The following PWWP2A variants were observed in gnomAD, a reference collection of about 807,000 sequenced individuals.
The protein encoded by PWWP2A is PWWP domain containing 2A.
A neutral mutation model predicts 48.5 loss-of-function variants in PWWP2A; 18 were observed. That is an observed-to-expected ratio of 0.37 (90% CI 0.26 to 0.55). PWWP2A has a LOEUF of 0.55. PWWP2A is among the 20% of genes least tolerant of loss of function. The pLI is 0.81. For missense variants in PWWP2A, 867 were observed against 976.4 expected, an observed-to-expected ratio of 0.89 and a Z score of 1.49; for synonymous variants, 396 against 387.7, an observed-to-expected ratio of 1.02 and a Z score of -0.25.
At chr5:160,113,288 C>G in intron 1 of PWWP2A, 2 of 979,050 alleles carry the variant, frequency 2.0e-6, no homozygotes, top group Non-Finnish European at 2.4e-6. Flanking sequence ...GAATGATTCT[C>G]CTCAAAAATG....
At chr5:160,110,293 G>A (rs967482692) in intron 1 of PWWP2A, among the ~76,000 whole-genome samples, 11 of 152,004 alleles carry the variant, frequency 7.2e-5, no homozygotes, top group Non-Finnish European at 1.0e-4. Context: ...TAAGGTGCCC[G>A]GCCAACAGTC....
downstream of PWWP2A, among the ~76,000 whole-genome samples, chr5:160,074,805 T>C (rs377241098): frequency 2.7e-5 from 4 of 149,288 alleles, no homozygotes; most frequent in African/African-American, 9.9e-5. Context: ...CTTATTCTGA[T>C]AAAAGAATCA....
Position 160,064,965 on chromosome 5 carries a change from G to A in PWWP2A, c.*237-1292C>T, listed in dbSNP as rs745372087. ...AAAGATCTTGGGAACTTGGTTCTCC[G>A]ACCTTTTGGGCTCTCCACGGAAAAT... On this transcript the variant is annotated intron_variant and NMD_transcript_variant, in intron 4 of 5. Transcript: ENST00000524050. 30 of 1,613,524 alleles carry A rather than the reference G, an allele frequency of 1.9e-5. No homozygotes were observed. Among genetic ancestry groups the A allele is most frequent in the African/African-American group, 6.7e-5 (5 of 74,824 alleles).
At chr5:160,100,293 T>C (rs995049755) in intron 1 of PWWP2A, among the ~76,000 whole-genome samples, 1 of 151,006 alleles carries the variant, frequency 6.6e-6, no homozygotes, top group African/African-American at 2.4e-5. Flanking sequence ...GGAGACAGAG[T>C]GAGACTTCAT....
intron 1 of PWWP2A, among the ~76,000 whole-genome samples, chr5:160,107,532 A>AT (rs1217424503): frequency 6.6e-6 from 1 of 152,194 alleles, no homozygotes; most frequent in Non-Finnish European, 1.5e-5. Flanking sequence ...CACATCTTTC[A>AT]TTTTTTATCA....
At chr5:160,080,672 T>G in exon 3 of PWWP2A, 2 of 1,560,560 alleles carry the variant, frequency 1.3e-6, no homozygotes, top group Non-Finnish European at 1.7e-6. Context: ...ACTGTTAACT[T>G]CAATGCTCCC....
At chr5:160,069,748 A>ACT (rs1753698881) in intron 2 of PWWP2A, among the ~76,000 whole-genome samples, 1 of 152,096 alleles carries the variant, frequency 6.6e-6, no homozygotes, top group Non-Finnish European at 1.5e-5. Context: ...AAAGAAGGTC[A>ACT]CTCTAAGCCA....
chr5:160,105,035 T>G (rs1049983467), intron 1 of PWWP2A, among the ~76,000 whole-genome samples: 1 of 151,900 alleles, frequency 6.6e-6, no homozygotes, highest in Admixed American at 6.6e-5. Flanking sequence ...TGAGCCTAGG[T>G]GTTCAAGACA....
downstream of PWWP2A, among the ~76,000 whole-genome samples, chr5:160,074,424 G>A (rs374619193): frequency 2.6e-5 from 4 of 151,756 alleles, no homozygotes; most frequent in South Asian, 2.1e-4. Flanking sequence ...GGCAACAAGA[G>A]CGAAAATCTG....
At chr5:160,110,573 G>A (rs941339554) in intron 1 of PWWP2A, among the ~76,000 whole-genome samples, 9 of 151,896 alleles carry the variant, frequency 5.9e-5, no homozygotes, top group Non-Finnish European at 1.2e-4. Context: ...AGGTGTGGTG[G>A]TGCATGCCTG....
intron 1 of PWWP2A, among the ~76,000 whole-genome samples, chr5:160,109,823 AT>A (rs1340538454): frequency 2.0e-3 from 172 of 87,094 alleles, no homozygotes; most frequent in African/African-American, 7.1e-3. Flanking sequence ...TAATATAATA[AT>A]ATATATATAT....
chr5:160,089,738 G>C, downstream of PWWP2A: 1 of 1,220,074 alleles, frequency 8.2e-7, no homozygotes, highest in Non-Finnish European at 1.0e-6. Flanking sequence ...CTTTGTTTTA[G>C]CCACGACTCT....
chr5:160,087,379 CAAAA>C (rs527692100), downstream of PWWP2A, among the ~76,000 whole-genome samples: 6 of 90,506 alleles, frequency 6.6e-5, no homozygotes, highest in Non-Finnish European at 8.9e-5. Context: ...GACCCTATCT[CAAAA>C]AAAAAAAAAA....
intron 1 of PWWP2A, among the ~76,000 whole-genome samples, chr5:160,115,464 G>C (rs938927643): frequency 2.6e-5 from 4 of 152,012 alleles, no homozygotes; most frequent in African/African-American, 9.7e-5. Context: ...CGCCGAGGTA[G>C]GCAGATTACC....
the PWWP2A span, among the ~76,000 whole-genome samples, chr5:160,056,414 C>T: frequency 1.8e-3 from 271 of 152,314 alleles, 1 homozygote; most frequent in African/African-American, 5.4e-3. Context: ...ATTAAGAATA[C>T]CATCTGGAGC....
chr5:160,051,098 T>C, the PWWP2A span: 3 of 1,433,520 alleles, frequency 2.1e-6, no homozygotes, highest in Non-Finnish European at 2.8e-6. Context: ...TTTTTTTTTT[T>C]ACCAACCCTT....
chr5:160,066,241 T>TAGTC (rs1372149148), intron 4 of PWWP2A, among the ~76,000 whole-genome samples: 1 of 151,150 alleles, frequency 6.6e-6, no homozygotes, highest in Non-Finnish European at 1.5e-5. Flanking sequence ...GATGGTCTGG[T>TAGTC]AGTCAGTGTT....
At chr5:160,109,273 T>C (rs995170083) in intron 1 of PWWP2A, among the ~76,000 whole-genome samples, 1 of 151,882 alleles carries the variant, frequency 6.6e-6, no homozygotes, top group African/African-American at 2.4e-5. Flanking sequence ...CATGATCCAC[T>C]GCACCCAGCT....
chr5:160,074,381 T>C (rs1353429220), downstream of PWWP2A, among the ~76,000 whole-genome samples: 1 of 151,806 alleles, frequency 6.6e-6, no homozygotes, highest in Non-Finnish European at 1.5e-5. Context: ...GAGGTTGCAG[T>C]GAGCCGAGAT....
Sources: gnomAD v4.1 joint callset for allele counts (sites outside exome capture counted in the v4.1 genomes callset) on GRCh38, gnomAD v4.1.1 for gene constraint, MANE v1.5 for transcripts, NCBI Gene and HGNC (gene_info 2026-07-23, HGNC 2026-07-21) for gene names.